The following GMDS variants were observed in gnomAD, a reference collection of about 807,000 sequenced individuals.
The protein encoded by GMDS is GDP-mannose 4,6 dehydratase.
Under a neutral mutation model 49.9 loss-of-function variants are expected in GMDS, and 20 were observed. The observed-to-expected ratio is 0.40, with a 90% CI of 0.28 to 0.58. GMDS has a LOEUF of 0.58. GMDS is among the 20% of genes least tolerant of loss of function. GMDS has a pLI of 0.42. For missense variants in GMDS, 362 were observed against 481.4 expected (o/e 0.75, Z 2.32); for synonymous variants, 177 against 178.6 (o/e 0.99, Z 0.07).
intron 7 of GMDS, among the ~76,000 whole-genome samples, chr6:1,751,493 A>C (rs778935983): frequency 6.6e-6 from 1 of 151,986 alleles, no homozygotes; most frequent in Non-Finnish European, 1.5e-5. Flanking sequence ...CTGTTTTTTC[A>C]TTTGTTTGTT....
intron 7 of GMDS, among the ~76,000 whole-genome samples, chr6:1,893,216 C>T (rs867106844): frequency 1.1e-4 from 14 of 127,436 alleles, no homozygotes; most frequent in African/African-American, 3.3e-4. Context: ...TTTTTTGAGA[C>T]GGAGTCTGAC....
chr6:2,190,630 C>A (rs1778970970), intron 1 of GMDS, among the ~76,000 whole-genome samples: 1 of 152,226 alleles, frequency 6.6e-6, no homozygotes, highest in African/African-American at 2.4e-5. Flanking sequence ...TTACCTCACC[C>A]TCCCTGACAC....
At chr6:1,645,258 C>T (rs1484380896) in intron 9 of GMDS, among the ~76,000 whole-genome samples, 1 of 152,174 alleles carries the variant, frequency 6.6e-6, no homozygotes, top group African/African-American at 2.4e-5. Flanking sequence ...ACCCTGTCAT[C>T]CAGCACACTT....
chr6:1,684,336 G>C (rs981270408), intron 9 of GMDS, among the ~76,000 whole-genome samples: 6 of 152,130 alleles, frequency 3.9e-5, no homozygotes, highest in African/African-American at 1.2e-4. Flanking sequence ...GATGAACCGT[G>C]GGCTCACTCA....
At chr6:2,035,680 ATATT>A (rs879518701) in intron 4 of GMDS, among the ~76,000 whole-genome samples, 1 of 151,788 alleles carries the variant, frequency 6.6e-6, no homozygotes, top group Non-Finnish European at 1.5e-5. Context: ...TTATTTATTT[ATATT>A]TATTTATTTA....
chr6:2,027,563 C>T (rs1768676474), intron 4 of GMDS, among the ~76,000 whole-genome samples: 1 of 152,066 alleles, frequency 6.6e-6, no homozygotes. Flanking sequence ...TAATGATAAG[C>T]ATATTTGGCA....
At chr6:1,994,251 A>G (rs950265777) in intron 4 of GMDS, among the ~76,000 whole-genome samples, 1 of 152,212 alleles carries the variant, frequency 6.6e-6, no homozygotes, top group East Asian at 1.9e-4. Context: ...ACACACAGAC[A>G]CAAACCCCTT....
intron 4 of GMDS, among the ~76,000 whole-genome samples, chr6:1,987,434 A>G (rs73427450): frequency 0.038 from 5,853 of 152,244 alleles, 344 homozygotes; most frequent in African/African-American, 0.13. Flanking sequence ...GAGTATTTGC[A>G]AAACTATCAC....
intron 7 of GMDS, among the ~76,000 whole-genome samples, chr6:1,846,080 CTTTTTTTTTT>C (rs11298909): frequency 1.6e-5 from 2 of 121,650 alleles, no homozygotes; most frequent in Admixed American, 8.2e-5. Context: ...CACCATGTTT[CTTTTTTTTTT>C]TTTTTTTTTT....
intron 7 of GMDS, among the ~76,000 whole-genome samples, chr6:1,881,295 T>C (rs764443903): frequency 1.9e-4 from 29 of 152,022 alleles, no homozygotes; most frequent in Non-Finnish European, 3.4e-4. Flanking sequence ...CAAAATCAAA[T>C]AGGAGAAAGT....
intron 4 of GMDS, among the ~76,000 whole-genome samples, chr6:2,094,651 A>T (rs1773494809): frequency 6.6e-6 from 1 of 152,184 alleles, no homozygotes; most frequent in African/African-American, 2.4e-5. Flanking sequence ...TATTTGGTGC[A>T]GTTTAGGGGT....
At chr6:2,167,397 A>T (rs1777721473) in intron 1 of GMDS, among the ~76,000 whole-genome samples, 1 of 152,130 alleles carries the variant, frequency 6.6e-6, no homozygotes, top group Non-Finnish European at 1.5e-5. Context: ...CTAGTATACT[A>T]GTTTCCTTAC....
chr6:2,062,498 G>A (rs114884448), intron 4 of GMDS, among the ~76,000 whole-genome samples: 2,248 of 152,022 alleles, frequency 0.015, 50 homozygotes, highest in African/African-American at 0.05. Context: ...AAGAAGAACC[G>A]TGACAGATAT....
At chr6:1,663,993 G>A (rs896596293) in intron 9 of GMDS, among the ~76,000 whole-genome samples, 7 of 152,220 alleles carry the variant, frequency 4.6e-5, no homozygotes, top group Non-Finnish European at 8.8e-5. Flanking sequence ...CCTGGCACAC[G>A]GTAGGCACCC....
intron 1 of GMDS, among the ~76,000 whole-genome samples, chr6:2,237,653 T>C (rs1336340881): frequency 6.6e-6 from 1 of 151,310 alleles, no homozygotes; most frequent in Non-Finnish European, 1.5e-5. Context: ...TCCCGAGTAC[T>C]TGAGATTCCA....
intron 4 of GMDS, among the ~76,000 whole-genome samples, chr6:2,001,907 A>T (rs1766840478): frequency 6.6e-6 from 1 of 152,132 alleles, no homozygotes; most frequent in African/African-American, 2.4e-5. Flanking sequence ...TAAGACCTAA[A>T]TGTAGCAGTC....
Position 1,652,444 on chromosome 6 carries a change from T to A in GMDS, c.988-27904A>T, listed in dbSNP as rs374261109. Among the ~76,000 whole-genome samples the A allele has an allele frequency of 2.4e-4, 3 of 12,438 alleles. 1 individual carries two copies. The highest frequency in any genetic ancestry group is 6.3e-4 in the African/African-American group (2 of 3,180). 8.2% of individuals were successfully genotyped at this position (12,438 alleles called of 152,430 possible). ...TATATATATAATATATTATATATAT[T>A]TATATATTATTTATATATAATATAT... On this transcript the variant is annotated intron_variant, in intron 9 of 10. Coordinates refer to ENST00000380815, the MANE Select transcript of GMDS (RefSeq NM_001500.4).
intron 7 of GMDS, among the ~76,000 whole-genome samples, chr6:1,769,616 G>T (rs908901512): frequency 2.0e-5 from 3 of 152,186 alleles, no homozygotes; most frequent in Non-Finnish European, 2.9e-5. Flanking sequence ...GACCTCAATA[G>T]TTTAAAGCTC....
intron 4 of GMDS, among the ~76,000 whole-genome samples, chr6:2,091,315 C>T (rs139960195): frequency 1.3e-5 from 2 of 152,240 alleles, no homozygotes; most frequent in African/African-American, 4.8e-5. Context: ...CTTAGTTCTT[C>T]CATTTTCCAT....
Sources: gnomAD v4.1 joint callset for allele counts (sites outside exome capture counted in the v4.1 genomes callset) on GRCh38, gnomAD v4.1.1 for gene constraint, MANE v1.5 for transcripts, NCBI Gene and HGNC (gene_info 2026-07-23, HGNC 2026-07-21) for gene names.